The following TTLL5 variants were observed in gnomAD, a reference collection of about 807,000 sequenced individuals.
The protein encoded by TTLL5 is tubulin polyglutamylase TTLL5.
A neutral mutation model predicts 168.4 loss-of-function variants in TTLL5; 132 were observed. The observed-to-expected ratio is 0.78, with a 90% CI of 0.68 to 0.91. The LOEUF is 0.91. Ranked by LOEUF, TTLL5 falls within the 40% of genes least tolerant of loss-of-function variation. The pLI, the probability that TTLL5 is intolerant of heterozygous loss-of-function variation, is 0.00. For synonymous variants in TTLL5, 546 were observed against 558.6 expected (o/e 0.98, Z 0.32); for missense variants, 1,545 against 1,581.5 (o/e 0.98, Z 0.39).
intron 28 of TTLL5, among the ~76,000 whole-genome samples, chr14:75,862,833 C>T (rs1194208871): frequency 6.6e-6 from 1 of 152,102 alleles, no homozygotes; most frequent in Non-Finnish European, 1.5e-5. Context: ...AGAATCCCAG[C>T]TTCTCAGGAG....
chr14:75,744,976 TG>T (rs1889511588), intron 15 of TTLL5, 118 bp from the exon 16 acceptor site: 2 of 810,010 alleles, frequency 2.5e-6, no homozygotes, highest in Non-Finnish European at 3.8e-6. Flanking sequence ...AAGTGGGCTA[TG>T]AATTTGAGCT....
At chr14:75,773,321 A>G (rs1891458451) in intron 21 of TTLL5, among the ~76,000 whole-genome samples, 1 of 152,236 alleles carries the variant, frequency 6.6e-6, no homozygotes, top group African/African-American at 2.4e-5. Flanking sequence ...ATGTTTTAAT[A>G]TAACAGCTTA....
At chr14:75,699,994 C>T (rs1479560791) in intron 7 of TTLL5, among the ~76,000 whole-genome samples, 2 of 152,170 alleles carry the variant, frequency 1.3e-5, no homozygotes, top group Non-Finnish European at 2.9e-5. Context: ...ATGTCCCACC[C>T]TCCCTTGCAC....
intron 31 of TTLL5, among the ~76,000 whole-genome samples, chr14:75,915,148 A>G (rs149555118): frequency 6.6e-6 from 1 of 152,140 alleles, no homozygotes; most frequent in African/African-American, 2.4e-5. Flanking sequence ...TGTTTATTGC[A>G]CAGATCAGAT....
chr14:75,949,360 G>A (rs1028456057), intron 31 of TTLL5, among the ~76,000 whole-genome samples: 24 of 126,672 alleles, frequency 1.9e-4, no homozygotes, highest in Non-Finnish European at 3.5e-4. Context: ...ATATATATAT[G>A]TATTCTTTAT....
In TTLL5 at chr14:75,672,407, G is replaced by A. The variant is rs141040052; in HGVS notation, c.181+2885G>A. On this transcript the variant is annotated intron_variant, in intron 3 of 31. Coordinates refer to ENST00000298832, the MANE Select transcript of TTLL5 (RefSeq NM_015072.5). ...ATTATAGGCGTCCACCACCATGCCC[G>A]GCTAATTTTTGTATTTTTAGTAAAG... 3.3e-5 allele frequency among the ~76,000 whole-genome samples: 5 copies of A among 151,968 alleles called. No individual in the cohort carries two copies. The East Asian group carries it at 5.8e-4, about 18-fold the overall frequency.
chr14:75,680,615 A>ATTTTTTTTT (rs35254410), intron 3 of TTLL5, among the ~76,000 whole-genome samples: 1 of 102,002 alleles, frequency 9.8e-6, no homozygotes, highest in African/African-American at 4.0e-5. Flanking sequence ...TAGAGCAGGG[A>ATTTTTTTTT]TTTTTTTTTT....
chr14:75,946,915 C>CT (rs1213545985), intron 31 of TTLL5, among the ~76,000 whole-genome samples: 4 of 152,130 alleles, frequency 2.6e-5, no homozygotes, highest in African/African-American at 9.7e-5. Flanking sequence ...GAGCTCATGC[C>CT]TGGAGGGAGG....
chr14:75,896,551 A>G (rs1057053468), intron 30 of TTLL5, among the ~76,000 whole-genome samples: 13 of 152,194 alleles, frequency 8.5e-5, no homozygotes, highest in Non-Finnish European at 1.6e-4. Flanking sequence ...ATGTGGTGGC[A>G]TGAGTCCAAG....
chr14:75,775,188 G>T (rs1047267289), intron 21 of TTLL5, among the ~76,000 whole-genome samples: 3 of 151,920 alleles, frequency 2.0e-5, no homozygotes, highest in African/African-American at 7.3e-5. Context: ...AGTGCTATTT[G>T]TGTATGTACT....
chr14:75,891,838 G>C (rs1198358098), intron 30 of TTLL5, among the ~76,000 whole-genome samples: 1 of 152,182 alleles, frequency 6.6e-6, no homozygotes, highest in African/African-American at 2.4e-5. Flanking sequence ...TCTAGAGATA[G>C]CACTAAGCTT....
intron 27 of TTLL5, among the ~76,000 whole-genome samples, chr14:75,819,097 A>T (rs1279794005): frequency 6.6e-6 from 1 of 152,110 alleles, no homozygotes; most frequent in Non-Finnish European, 1.5e-5. Context: ...TTTAAATGAG[A>T]TGTGTGCGAC....
chr14:75,784,503 ATTTGTTTATACCTT>A (rs1243139787), intron 26 of TTLL5, among the ~76,000 whole-genome samples: 3 of 152,148 alleles, frequency 2.0e-5, no homozygotes, highest in African/African-American at 4.8e-5. Context: ...GGGGCATTTG[ATTTGTTTATACCTT>A]TTGGCCATTA....
intron 28 of TTLL5, among the ~76,000 whole-genome samples, chr14:75,828,994 T>C (rs892486389): frequency 2.6e-5 from 4 of 152,148 alleles, no homozygotes; most frequent in Admixed American, 2.6e-4. Flanking sequence ...ATCAGACAAA[T>C]CCCTGTCCTC....
chr14:75,886,159 C>G (rs1324505639), intron 30 of TTLL5, among the ~76,000 whole-genome samples: 1 of 152,216 alleles, frequency 6.6e-6, no homozygotes, highest in African/African-American at 2.4e-5. Context: ...CAAACTTCTT[C>G]TAGCACAGAA....
chr14:75,914,027 AAAAAAAATATATATAT>A (rs1406184806), intron 31 of TTLL5, among the ~76,000 whole-genome samples: 5 of 78,934 alleles, frequency 6.3e-5, no homozygotes, highest in Admixed American at 5.5e-4. Context: ...GAAAAAAAAA[AAAAAAAATATATATAT>A]ATATATATAT....
intron 30 of TTLL5, among the ~76,000 whole-genome samples, chr14:75,892,199 A>G (rs2032434262): frequency 1.3e-5 from 2 of 152,236 alleles, no homozygotes; most frequent in Admixed American, 1.3e-4. Context: ...CCCAAAGTTC[A>G]CACTTTCACA....
At chr14:75,711,363 G>T (rs893051748) in intron 9 of TTLL5, 10 of 152,162 alleles carry the variant, frequency 6.6e-5, no homozygotes, top group Non-Finnish European at 1.5e-5. Context: ...AAATGGTGCA[G>T]ATTCTTTTTC....
intron 31 of TTLL5, among the ~76,000 whole-genome samples, chr14:75,914,473 G>A (rs1057283579): frequency 1.3e-5 from 2 of 151,942 alleles, no homozygotes; most frequent in East Asian, 3.9e-4. Context: ...TTCTAATGAA[G>A]ATTTCATAAA....
Sources: allele counts gnomAD v4.1 joint callset (sites outside exome capture counted in the v4.1 genomes callset), GRCh38; gene constraint gnomAD v4.1.1; transcripts MANE v1.5; gene names NCBI Gene and HGNC (gene_info 2026-07-23, HGNC 2026-07-21).